DGKI: variants seen among roughly 807,000 people sequenced by gnomAD.
The protein encoded by DGKI is DAG kinase iota.
A neutral mutation model predicts 147.5 loss-of-function variants in DGKI; 55 were observed. That is an observed-to-expected ratio of 0.37 (90% CI 0.30 to 0.47). The LOEUF (loss-of-function observed/expected upper bound fraction) is 0.47. Among genes scored for constraint, DGKI ranks in the 20% least tolerant of loss-of-function variants. The probability of loss-of-function intolerance (pLI) is 1.00; values close to 1 mark genes in which losing one functional copy is unlikely to be tolerated. For synonymous variants in DGKI, 469 were observed against 477.1 expected (o/e 0.98, Z 0.22); for missense variants, 1,007 against 1,323.8 (o/e 0.76, Z 3.71).
intron 6 of DGKI, among the ~76,000 whole-genome samples, chr7:137,638,653 T>TACAC (rs369995549): frequency 0.011 from 523 of 46,300 alleles, 56 homozygotes; most frequent in African/African-American, 0.053. Context: ...TGTATGTATA[T>TACAC]ACACACATAT....
At chr7:137,510,033 G>A (rs1816525919) in intron 21 of DGKI, among the ~76,000 whole-genome samples, 1 of 152,238 alleles carries the variant, frequency 6.6e-6, no homozygotes. Context: ...AATCATGGAT[G>A]CTGTTCGTAA....
At chr7:137,772,494 C>A (rs920495607) in intron 1 of DGKI, among the ~76,000 whole-genome samples, 4 of 152,112 alleles carry the variant, frequency 2.6e-5, no homozygotes, top group Non-Finnish European at 4.4e-5. Flanking sequence ...TAAAGTAATA[C>A]ACACATCTGG....
At chr7:137,841,942 T>TA (rs1798556651) in intron 1 of DGKI, among the ~76,000 whole-genome samples, 1 of 152,148 alleles carries the variant, frequency 6.6e-6, no homozygotes, top group Non-Finnish European at 1.5e-5. Context: ...ATCTCCCAGG[T>TA]AAAAATCAAG....
At chr7:137,476,784 G>C (rs1434109926) in intron 23 of DGKI, among the ~76,000 whole-genome samples, 1 of 152,114 alleles carries the variant, frequency 6.6e-6, no homozygotes, top group Non-Finnish European at 1.5e-5. Context: ...GAACTGCAGT[G>C]GTGAGAATTT....
intron 21 of DGKI, among the ~76,000 whole-genome samples, chr7:137,489,100 A>G (rs749758318): frequency 1.3e-5 from 2 of 152,180 alleles, no homozygotes; most frequent in African/African-American, 4.8e-5. Context: ...TTATGTTTCT[A>G]AAGTCCTGCA....
chr7:137,391,484 T>C, intron 32 of DGKI, 148 bp from the exon 33 acceptor site: 2 of 596,326 alleles, frequency 3.4e-6, no homozygotes, highest in Non-Finnish European at 5.8e-6. Context: ...TCCTTTCACA[T>C]TTGGTGTTTT....
intron 8 of DGKI, among the ~76,000 whole-genome samples, chr7:137,611,366 T>C (rs972131956): frequency 2.0e-5 from 3 of 152,150 alleles, no homozygotes; most frequent in African/African-American, 7.2e-5. Context: ...CCCCATCAAC[T>C]ATTCTTTCAT....
chr7:137,675,611 G>A (rs890462511), intron 3 of DGKI, among the ~76,000 whole-genome samples: 2 of 148,698 alleles, frequency 1.3e-5, no homozygotes, highest in Admixed American at 1.3e-4. Context: ...CTTGAACCCG[G>A]GAGGCGGAGG....
At position 137,391,058 on chromosome 7, in the gene DGKI, A is replaced by T. The variant is rs1811342147; in HGVS notation, c.*162T>A. 1.5e-6 allele frequency: 1 copy of T among 655,838 alleles called. No homozygotes were observed. Among genetic ancestry groups the T allele is most frequent in the African/African-American group, 1.8e-5 (1 of 55,390 alleles). 40.6% of individuals were successfully genotyped at this position (655,838 alleles called of 1,614,324 possible). A position where few individuals can be genotyped will look rare whatever the true frequency, so the allele number is the denominator to read the frequency against. ...AATGGGCTATCATGTTCTGTTGTACATCTTGGTAGCCCTTAAAAGCTAGTG... is the reference window on the plus strand; with the variant it reads ...AATGGGCTATCATGTTCTGTTGTACTTCTTGGTAGCCCTTAAAAGCTAGTG... On this transcript the variant is annotated 3_prime_UTR_variant, in exon 33 of 33. Transcript: ENST00000614521.
chr7:137,515,996 C>T (rs1816732815), intron 21 of DGKI, among the ~76,000 whole-genome samples: 1 of 152,030 alleles, frequency 6.6e-6, no homozygotes, highest in Admixed American at 6.6e-5. Flanking sequence ...CTTCAGAGGA[C>T]AAATTGACAT....
chr7:137,394,173 T>C (rs1398013025), intron 32 of DGKI, among the ~76,000 whole-genome samples: 1 of 152,140 alleles, frequency 6.6e-6, no homozygotes, highest in Admixed American at 6.5e-5. Context: ...GAATCCTCTA[T>C]GGCAAGCTTG....
chr7:137,786,452 G>A lies in DGKI; in HGVS notation c.401+60010C>T, dbSNP rs994188360. Among the ~76,000 whole-genome samples the A allele has an allele frequency of 3.9e-5, 6 of 152,020 alleles. No homozygotes were observed. In the South Asian group the frequency reaches 1.0e-3, roughly 26 times the overall value. ...TCTACAAGGAAAACTACAAAACACT[G>A]CTGAAAGAAATCATAGATGCCACAG... On this transcript the variant is annotated intron_variant, in intron 1 of 32. Coordinates refer to ENST00000614521, the MANE Select transcript of DGKI (RefSeq NM_001321708.2).
At chr7:137,634,093 C>G (rs894615423) in intron 6 of DGKI, among the ~76,000 whole-genome samples, 1 of 152,144 alleles carries the variant, frequency 6.6e-6, no homozygotes, top group Admixed American at 6.5e-5. Context: ...CCTCTCCAAT[C>G]TAAAGAAAAA....
intron 1 of DGKI, among the ~76,000 whole-genome samples, chr7:137,800,837 C>G (rs1797181911): frequency 6.6e-6 from 1 of 152,174 alleles, no homozygotes; most frequent in Non-Finnish European, 1.5e-5. Flanking sequence ...AATGCTCCAT[C>G]CAATGCTCAT....
intron 4 of DGKI, among the ~76,000 whole-genome samples, chr7:137,655,875 C>T (rs1351860071): frequency 6.6e-6 from 1 of 152,174 alleles, no homozygotes; most frequent in African/African-American, 2.4e-5. Context: ...ACTATTGGAG[C>T]CTTTCCCATC....
chr7:137,795,986 T>A (rs979580845), intron 1 of DGKI, among the ~76,000 whole-genome samples: 1 of 152,076 alleles, frequency 6.6e-6, no homozygotes, highest in Non-Finnish European at 1.5e-5. Flanking sequence ...CATCAACAAC[T>A]ACTACTACTA....
rs1239390576 is a variant in DGKI, at chr7:137,389,079, T to C, written c.*2141A>G. On this transcript the variant is annotated 3_prime_UTR_variant, in exon 33 of 33. Transcript: ENST00000614521. ...TTGACTCAATCCAGGGAATGGAAGATGCCATTCAAAGCCAGATTCCAGTTT... is the reference window on the plus strand; with the variant it reads ...TTGACTCAATCCAGGGAATGGAAGACGCCATTCAAAGCCAGATTCCAGTTT... The C allele has an allele frequency of 6.6e-6, 1 of 152,182 alleles. No individual in the cohort carries two copies. Among genetic ancestry groups the C allele is most frequent in the Non-Finnish European group, 1.5e-5 (1 of 68,022 alleles). 9.4% of individuals were successfully genotyped at this position (152,182 alleles called of 1,614,324 possible). A position where few individuals can be genotyped will look rare whatever the true frequency, so the allele number is the denominator to read the frequency against.
At chr7:137,409,528 A>C (rs1812083456) in intron 29 of DGKI, among the ~76,000 whole-genome samples, 1 of 152,186 alleles carries the variant, frequency 6.6e-6, no homozygotes, top group Non-Finnish European at 1.5e-5. Flanking sequence ...AGCTGAATGG[A>C]GGTAAGGACA....
chr7:137,807,563 T>A (rs1287961512), intron 1 of DGKI, among the ~76,000 whole-genome samples: 1 of 152,282 alleles, frequency 6.6e-6, no homozygotes, highest in African/African-American at 2.4e-5. Context: ...CTTCTCAAAC[T>A]TTCACGTGCT....
Sources: gnomAD v4.1 joint callset for allele counts (sites outside exome capture counted in the v4.1 genomes callset) on GRCh38, gnomAD v4.1.1 for gene constraint, MANE v1.5 for transcripts, NCBI Gene and HGNC (gene_info 2026-07-23, HGNC 2026-07-21) for gene names.